Variants in DLG5 observed in about 807,000 individuals in gnomAD.
DLG5 encodes the protein disks large homolog 5.
In DLG5, 48 loss-of-function variants were observed where a neutral mutation model predicts 189.8. The observed-to-expected ratio is 0.25, with a 90% confidence interval of 0.20 to 0.32. DLG5 has a LOEUF of 0.32. Among genes scored for constraint, DLG5 ranks in the 10% least tolerant of loss-of-function variants. The pLI is 1.00. For missense variants in DLG5, 2,160 were observed against 2,544.7 expected (o/e 0.85, Z 3.25); for synonymous variants, 1,016 against 1,054.1 (o/e 0.96, Z 0.70).
chr10:77,846,573 T>G, intron 5 of DLG5: 1 of 370,632 alleles, frequency 2.7e-6, no homozygotes. Context: ...GGCAGGCACC[T>G]GGAATCCCTG....
At chr10:77,869,937 T>C (rs1294257022) in intron 1 of DLG5, among the ~76,000 whole-genome samples, 1 of 152,140 alleles carries the variant, frequency 6.6e-6, no homozygotes, top group Non-Finnish European at 1.5e-5. Context: ...TAGCTTTTGT[T>C]TTCTGGAACT....
At chr10:77,911,426 AT>A (rs1329929120) in intron 1 of DLG5, among the ~76,000 whole-genome samples, 7 of 152,210 alleles carry the variant, frequency 4.6e-5, no homozygotes, top group Non-Finnish European at 8.8e-5. Flanking sequence ...GAATTAAAGT[AT>A]TTTAAAGTAT....
chr10:77,830,639 C>T (rs1842852979), intron 10 of DLG5, 102 bp downstream of exon 10: 1 of 1,526,988 alleles, frequency 6.5e-7, no homozygotes, highest in South Asian at 1.3e-5. Context: ...AAAGGAGAAC[C>T]TCCAAACTTG....
chr10:77,842,338 G>A, intron 6 of DLG5, 145 bp from the exon 7 acceptor site: 1 of 1,041,778 alleles, frequency 9.6e-7, no homozygotes, highest in Non-Finnish European at 1.4e-6. Flanking sequence ...ACCCCCAGGA[G>A]AGAAAAGTCA....
chr10:77,811,129 C>A lies in DLG5; in HGVS notation c.4428G>T (p.Gly1476=), dbSNP rs551540686. 12 of 1,612,278 alleles carry A rather than the reference C, an allele frequency of 7.4e-6. No individual in the cohort carries two copies. Among genetic ancestry groups the A allele is most frequent in the Admixed American group, 1.7e-5 (1 of 59,966 alleles). Residue 1476 remains glycine (G), a synonymous_variant, in exon 23 of 32, where the codon GGG becomes GGT. Coordinates refer to ENST00000372391, the MANE Select transcript of DLG5 (RefSeq NM_004747.4). ...VIDPLMEQDE[G]PSTPPAKQSS... ...TCTGCTTGGCTGGGGGGGTGCTAGG[C>A]CCCTCGTCCTGCTCCATCAGTGGGT...
rs182323758 is a variant in DLG5 at position 77,842,574 on chromosome 10, G to A, written c.1125-381C>T. ...TCAAACCGCCTCATTTCACAGATAC[G>A]AACAGTACAGCCCTGTGACAAGGTC... On this transcript the variant is annotated intron_variant, in intron 6 of 31. Coordinates refer to ENST00000372391, the MANE Select transcript of DLG5 (RefSeq NM_004747.4). Among the ~76,000 whole-genome samples, 6 of 152,266 alleles carry A rather than the reference G, an allele frequency of 3.9e-5. No homozygotes were observed. The South Asian group carries it at 6.2e-4, about 16-fold the overall frequency.
chr10:77,859,663 C>A (rs952599715), intron 2 of DLG5, among the ~76,000 whole-genome samples: 1 of 152,226 alleles, frequency 6.6e-6, no homozygotes, highest in Non-Finnish European at 1.5e-5. Context: ...TGTGTAAGCA[C>A]ACTCATGTTT....
intron 2 of DLG5, among the ~76,000 whole-genome samples, chr10:77,866,554 TGTG>T (rs1844691864): frequency 6.6e-6 from 1 of 152,172 alleles, no homozygotes; most frequent in South Asian, 2.1e-4. Flanking sequence ...GCACTTGAAA[TGTG>T]GTGGATTTGC....
chr10:77,926,656 C>T lies in DLG5; in HGVS notation c.-136G>A. On this transcript the variant is annotated 5_prime_UTR_variant, in exon 1 of 32. Coordinates refer to ENST00000372391, the MANE Select transcript of DLG5 (RefSeq NM_004747.4). This position sits in a 1 kb window ranked among gnomAD's most constrained non-coding sequence, Gnocchi z 5.2. The stretch of plus-strand genomic sequence containing the variant: ...GGCGGCGGGAGCCATGGGCCGGGGC[C>T]TGGGCGGGCTGGGGGCCCGGGGCGG... 1.9e-6 allele frequency: 1 copy of T among 529,950 alleles called. No individual in the cohort carries two copies. The highest frequency in any genetic ancestry group is 8.0e-5 in the South Asian group (1 of 12,496). 32.8% of individuals were successfully genotyped at this position (529,950 alleles called of 1,614,324 possible).
chr10:77,836,333 CACACCTCTATAATCCTTAGACA>C (rs1843133378), intron 7 of DLG5, among the ~76,000 whole-genome samples: 1 of 152,272 alleles, frequency 6.6e-6, no homozygotes, highest in African/African-American at 2.4e-5. Flanking sequence ...AAACCCCCTC[CACACCTCTATAATCCTTAGACA>C]ACACAGGGAA....
chr10:77,924,014 A>G (rs1846612913), intron 1 of DLG5, among the ~76,000 whole-genome samples: 1 of 151,944 alleles, frequency 6.6e-6, no homozygotes, highest in Non-Finnish European at 1.5e-5. Context: ...ACAGGCGCCC[A>G]CAACCACGCC....
At chr10:77,879,482 T>C (rs1286489937) in intron 1 of DLG5, among the ~76,000 whole-genome samples, 2 of 151,918 alleles carry the variant, frequency 1.3e-5, no homozygotes, top group Admixed American at 1.3e-4. Flanking sequence ...GCTCATTAGA[T>C]GATTTGTTGA....
At chr10:77,924,749 G>A (rs1846635652) in intron 1 of DLG5, among the ~76,000 whole-genome samples, 1 of 152,182 alleles carries the variant, frequency 6.6e-6, no homozygotes, top group Admixed American at 6.6e-5. Flanking sequence ...AAGAATGCAG[G>A]TTTGAGGGAC....
At chr10:77,816,470 T>G in intron 20 of DLG5, 81 bp downstream of exon 20, 1 of 1,600,288 alleles carries the variant, frequency 6.2e-7, no homozygotes, top group Non-Finnish European at 8.5e-7. Context: ...CTAAGCCCCT[T>G]CCCTGCAGAG....
intron 20 of DLG5, among the ~76,000 whole-genome samples, chr10:77,815,670 A>T (rs1842014627): frequency 6.6e-6 from 1 of 152,186 alleles, no homozygotes; most frequent in African/African-American, 2.4e-5. Flanking sequence ...TCAAAAAAAA[A>T]TATGTTTTCT....
At chr10:77,832,152 A>G (rs1248664) in intron 9 of DLG5, among the ~76,000 whole-genome samples, 113,612 of 152,156 alleles carry the variant, frequency 0.75, 43,497 homozygotes, top group African/African-American at 0.92. Flanking sequence ...AGGTTGCAGT[A>G]AGCAAAGACT....
At chr10:77,798,298 G>A (rs986996547) in intron 27 of DLG5, among the ~76,000 whole-genome samples, 5 of 152,210 alleles carry the variant, frequency 3.3e-5, no homozygotes, top group Non-Finnish European at 7.3e-5. Flanking sequence ...TAAAACTGGA[G>A]GAGGGTTTGG....
chr10:77,804,910 C>A (rs1469852025), intron 27 of DLG5, among the ~76,000 whole-genome samples: 1 of 152,218 alleles, frequency 6.6e-6, no homozygotes. Context: ...TCCCTCCATT[C>A]TTCCTCAGTA....
intron 14 of DLG5, 141 bp downstream of exon 14, chr10:77,824,243 G>A: frequency 1.6e-6 from 1 of 614,052 alleles, no homozygotes; most frequent in Middle Eastern, 4.3e-4. Context: ...CGTCCAGTCA[G>A]GGTTCCTGCC....
Sources: gnomAD v4.1 joint callset for allele counts (sites outside exome capture counted in the v4.1 genomes callset) on GRCh38, gnomAD v4.1.1 for gene constraint, Gnocchi (gnomAD v3.1) non-coding constraint, MANE v1.5 for transcripts, NCBI Gene and HGNC (gene_info 2026-07-23, HGNC 2026-07-21) for gene names.